The following NDST4 variants were observed in gnomAD, a reference collection of about 807,000 sequenced individuals.
NDST4 encodes the protein N-heparan sulfate sulfotransferase 4.
Under a neutral mutation model 100.8 loss-of-function variants are expected in NDST4, and 63 were observed. That is an observed-to-expected ratio of 0.62 (90% CI 0.51 to 0.77). The LOEUF (loss-of-function observed/expected upper bound fraction) is 0.77. NDST4 is among the 30% of genes least tolerant of loss of function. NDST4 has a pLI of 0.00. For missense variants in NDST4, 943 were observed against 1,018.4 expected, an observed-to-expected ratio of 0.93 and a Z score of 1.01; for synonymous variants, 377 against 361.8, an observed-to-expected ratio of 1.04 and a Z score of -0.48.
chr4:115,100,666 A>G (rs539401373), intron 1 of NDST4, among the ~76,000 whole-genome samples: 4 of 152,214 alleles, frequency 2.6e-5, no homozygotes, highest in Non-Finnish European at 4.4e-5. Flanking sequence ...AATAACATTA[A>G]ATAGTCTGAT....
chr4:115,038,625 T>G (rs575339482), intron 2 of NDST4, among the ~76,000 whole-genome samples: 4 of 152,188 alleles, frequency 2.6e-5, no homozygotes, highest in Non-Finnish European at 5.9e-5. Context: ...GTAAAGGACA[T>G]GTAATTAAGA....
chr4:114,960,748 C>A (rs1287278023), intron 4 of NDST4, among the ~76,000 whole-genome samples: 1 of 151,824 alleles, frequency 6.6e-6, no homozygotes, highest in African/African-American at 2.4e-5. Flanking sequence ...AGAAAAAAGA[C>A]AGGTGGGAGA....
At chr4:115,113,292 G>T (rs767903636) in intron 1 of NDST4, among the ~76,000 whole-genome samples, 152 bp downstream of exon 1, 3 of 151,796 alleles carry the variant, frequency 2.0e-5, no homozygotes, top group Non-Finnish European at 4.4e-5. Context: ...ATGCGGAAAA[G>T]GGAGATTGAA....
At chr4:115,057,657 T>C (rs1318937230) in intron 2 of NDST4, among the ~76,000 whole-genome samples, 1 of 151,998 alleles carries the variant, frequency 6.6e-6, no homozygotes, top group Non-Finnish European at 1.5e-5. Context: ...TATCTGGCTT[T>C]GTTATTTGTA....
chr4:114,862,867 T>C (rs1231901452), intron 7 of NDST4, among the ~76,000 whole-genome samples: 1 of 152,162 alleles, frequency 6.6e-6, no homozygotes, highest in Non-Finnish European at 1.5e-5. Flanking sequence ...ATATTTTTAT[T>C]ACTAACAACT....
intron 1 of NDST4, among the ~76,000 whole-genome samples, chr4:115,108,801 C>G (rs1729882814): frequency 6.6e-6 from 1 of 151,998 alleles, no homozygotes; most frequent in African/African-American, 2.4e-5. Flanking sequence ...ACTTAACCCA[C>G]TCTTTCTCTT....
At chr4:114,994,140 C>G (rs1727109226) in intron 2 of NDST4, among the ~76,000 whole-genome samples, 1 of 151,902 alleles carries the variant, frequency 6.6e-6, no homozygotes, top group Admixed American at 6.6e-5. Context: ...CCACTTAGAA[C>G]TGCTCCGTGA....
intron 6 of NDST4, among the ~76,000 whole-genome samples, chr4:114,873,198 G>T (rs1045307786): frequency 1.3e-5 from 2 of 151,246 alleles, no homozygotes; most frequent in African/African-American, 2.4e-5. Flanking sequence ...TTTATCCTTG[G>T]AGTATATTCA....
chr4:114,876,435 G>T (rs147599563), intron 6 of NDST4, among the ~76,000 whole-genome samples: 10 of 152,044 alleles, frequency 6.6e-5, no homozygotes, highest in Non-Finnish European at 1.3e-4. Flanking sequence ...AGGTAATTTT[G>T]TGTCTTTATT....
At chr4:114,952,367 G>T (rs988156112) in intron 4 of NDST4, among the ~76,000 whole-genome samples, 1 of 152,006 alleles carries the variant, frequency 6.6e-6, no homozygotes, top group Non-Finnish European at 1.5e-5. Context: ...ATGCTGCAGT[G>T]AAAAAAGCTA....
chr4:114,901,719 A>AT lies in NDST4; in HGVS notation c.1537-30770dup, dbSNP rs986367613. ...TCTTTGTTTCTATTTTTGTCTTTCA[A>AT]TTTTTTTTTTGCCTTTTCTGGTTTT... On this transcript the variant is annotated intron_variant, in intron 6 of 13. Coordinates refer to ENST00000264363, the MANE Select transcript of NDST4 (RefSeq NM_022569.3). 1.1e-3 allele frequency among the ~76,000 whole-genome samples: 164 copies of AT among 146,882 alleles called. 1 individual carries two copies. Among genetic ancestry groups the AT allele is most frequent in the Middle Eastern group, 3.5e-3 (1 of 286 alleles).
chr4:114,943,174 A>C (rs1406337198), intron 4 of NDST4, among the ~76,000 whole-genome samples: 1 of 150,366 alleles, frequency 6.7e-6, no homozygotes, highest in Non-Finnish European at 1.5e-5. Context: ...AATTCACATA[A>C]AAAGTTTGAA....
At chr4:114,981,561 G>T (rs1391950564) in intron 2 of NDST4, among the ~76,000 whole-genome samples, 1 of 152,002 alleles carries the variant, frequency 6.6e-6, no homozygotes, top group African/African-American at 2.4e-5. Flanking sequence ...CTACTCCCAG[G>T]CTTATCCTCT....
At chr4:114,910,245 G>A (rs1378443486) in intron 6 of NDST4, among the ~76,000 whole-genome samples, 2 of 152,120 alleles carry the variant, frequency 1.3e-5, no homozygotes, top group African/African-American at 2.4e-5. Context: ...ATTCAATGAG[G>A]CATAAACTGC....
chr4:114,967,998 A>C (rs1726422480), intron 4 of NDST4, among the ~76,000 whole-genome samples: 1 of 152,148 alleles, frequency 6.6e-6, no homozygotes, highest in African/African-American at 2.4e-5. Flanking sequence ...AGAGAATCTA[A>C]GTCATTTGTT....
intron 6 of NDST4, among the ~76,000 whole-genome samples, chr4:114,912,463 A>T (rs561680394): frequency 0.013 from 2,003 of 152,268 alleles, 20 homozygotes; most frequent in Non-Finnish European, 0.02. Context: ...GTCAGGATGA[A>T]TTTGAAATGA....
chr4:114,953,613 T>C (rs903552601), intron 4 of NDST4, among the ~76,000 whole-genome samples: 1 of 152,146 alleles, frequency 6.6e-6, no homozygotes, highest in Non-Finnish European at 1.5e-5. Context: ...ACTTAGTCTA[T>C]GTGAATGCGA....
Position 114,960,332 on chromosome 4 carries a change from G to T in NDST4, c.1221+10098C>A, listed in dbSNP as rs1036557871. Among the ~76,000 whole-genome samples, 7 of 152,134 alleles carry T rather than the reference G, an allele frequency of 4.6e-5. No homozygotes were observed. In the South Asian group the frequency reaches 6.2e-4, roughly 14 times the overall value. On this transcript the variant is annotated intron_variant, in intron 4 of 13. Transcript: ENST00000264363. ...ATCAACATAAAGAAATAAAGGCTGGGTGTGGTGGCTCATGCCTGTATTACC... is the reference window on the plus strand; with the variant it reads ...ATCAACATAAAGAAATAAAGGCTGGTTGTGGTGGCTCATGCCTGTATTACC...
At chr4:115,095,135 C>T (rs536146747) in intron 1 of NDST4, among the ~76,000 whole-genome samples, 3 of 152,028 alleles carry the variant, frequency 2.0e-5, no homozygotes, top group East Asian at 1.9e-4. Flanking sequence ...AGGTATTGGG[C>T]TCCTCAGGTC....
Sources: allele counts gnomAD v4.1 joint callset (sites outside exome capture counted in the v4.1 genomes callset), GRCh38; gene constraint gnomAD v4.1.1; transcripts MANE v1.5; gene names NCBI Gene and HGNC (gene_info 2026-07-23, HGNC 2026-07-21).